Variants in CATSPERE observed in about 807,000 individuals in gnomAD.
CATSPERE encodes cation channel sperm-associated auxiliary subunit epsilon.
In CATSPERE, 93 loss-of-function variants were observed where a neutral mutation model predicts 114.1. That is an observed-to-expected ratio of 0.81 (90% CI 0.69 to 0.97). CATSPERE has a LOEUF of 0.97. Among genes scored for constraint, CATSPERE ranks in the 50% least tolerant of loss-of-function variants. The pLI is 0.00. For synonymous variants in CATSPERE, 341 were observed against 384.1 expected (o/e 0.89, Z 1.31); for missense variants, 1,058 against 1,131.6 (o/e 0.93, Z 0.93).
intron 8 of CATSPERE, among the ~76,000 whole-genome samples, chr1:244,539,008 C>G (rs1444805327): frequency 6.6e-6 from 1 of 152,172 alleles, no homozygotes; most frequent in Non-Finnish European, 1.5e-5. Context: ...CGTCGCTAGC[C>G]AGCTTCCCCA....
rs1356369673 is a variant in CATSPERE at position 244,607,287 on chromosome 1, A to C, written c.2403+1493A>C. Among the ~76,000 whole-genome samples, 1 of 152,220 alleles carries C rather than the reference A, an allele frequency of 6.6e-6. No homozygotes were observed. Among genetic ancestry groups the C allele is most frequent in the African/African-American group, 2.4e-5 (1 of 41,452 alleles). On this transcript the variant is annotated intron_variant, in intron 18 of 21. Coordinates refer to ENST00000366534, the MANE Select transcript of CATSPERE (RefSeq NM_001130957.2). The surrounding 1 kb of genome is among the most constrained non-coding windows in gnomAD (Gnocchi z 4.4). ...CTTAGCCAAAAGGCCACTAAGAGAT[A>C]CAGTATCATTTCCAGGTCATTCTCT...
At chr1:244,606,549 A>G (rs1670028271) in intron 18 of CATSPERE, among the ~76,000 whole-genome samples, 1 of 151,756 alleles carries the variant, frequency 6.6e-6, no homozygotes. Flanking sequence ...GATGGCAGCC[A>G]AGAGAACTGA....
intron 17 of CATSPERE, chr1:244,598,594 T>G (rs1668756728): frequency 2.8e-6 from 1 of 354,648 alleles, no homozygotes; most frequent in Admixed American, 2.7e-5. Flanking sequence ...CCATGGAGAT[T>G]GGGCCCAGTC....
intron 11 of CATSPERE, among the ~76,000 whole-genome samples, chr1:244,576,592 C>T (rs1665296776): frequency 6.6e-6 from 1 of 151,724 alleles, no homozygotes; most frequent in African/African-American, 2.4e-5. Flanking sequence ...TCTGAATAAA[C>T]ATTTTACTTA....
chr1:244,458,207 A>AG (rs554754517), upstream of CATSPERE, among the ~76,000 whole-genome samples: 11 of 152,298 alleles, frequency 7.2e-5, no homozygotes, highest in Admixed American at 1.3e-4. Context: ...CAAATAGAAG[A>AG]GGGAATGGCG....
intron 17 of CATSPERE, among the ~76,000 whole-genome samples, chr1:244,599,427 T>C (rs1668874631): frequency 6.6e-6 from 1 of 152,198 alleles, no homozygotes; most frequent in Non-Finnish European, 1.5e-5. Flanking sequence ...CCTCTCTCTC[T>C]CATACACCCT....
At position 244,591,721 on chromosome 1, in the gene CATSPERE, G is replaced by T; in HGVS notation, c.2179G>T (p.Val727Leu). The T allele has an allele frequency of 6.6e-7, 1 of 1,513,840 alleles. No individual in the cohort carries two copies. Among genetic ancestry groups the T allele is most frequent in the Non-Finnish European group, 9.1e-7 (1 of 1,096,554 alleles). 93.8% of individuals were successfully genotyped at this position (1,513,840 alleles called of 1,614,324 possible). A position where few individuals can be genotyped will look rare whatever the true frequency, so the allele number is the denominator to read the frequency against. ...KGCHHHDFSY[V>L]IEKSYLRHQP... Reference sequence around the variant, plus strand: ...ATGTCATCACCATGATTTTTCATACGTGATTGAAAAGTAAGAAATTTTTTA... The same window carrying T: ...ATGTCATCACCATGATTTTTCATACTTGATTGAAAAGTAAGAAATTTTTTA... Residue 727 changes from valine to leucine, a missense_variant, in exon 15 of 22, where the codon GTG (valine) becomes TTG (leucine). Val to Leu is a conservative substitution (Grantham distance 32). Around this residue, in one of 2 missense-constraint regions of CATSPERE, gnomAD observed 787 missense variants for 905.6 expected, o/e 0.87. Transcript: ENST00000366534.
intron 17 of CATSPERE, among the ~76,000 whole-genome samples, chr1:244,600,091 C>T (rs1018671836): frequency 5.3e-5 from 8 of 152,054 alleles, no homozygotes; most frequent in Non-Finnish European, 1.0e-4. Context: ...TAGGACGTGA[C>T]GGGACTCCCT....
intron 21 of CATSPERE, among the ~76,000 whole-genome samples, chr1:244,639,563 T>G (rs780489026): frequency 8.6e-5 from 13 of 151,978 alleles, no homozygotes; most frequent in Middle Eastern, 3.4e-3. Context: ...GGTGGTGCCC[T>G]CCTGTAATCC....
chr1:244,596,957 A>T (rs1026662877), intron 17 of CATSPERE, among the ~76,000 whole-genome samples: 3 of 151,528 alleles, frequency 2.0e-5, no homozygotes, highest in African/African-American at 7.3e-5. Context: ...TGTACCAGGA[A>T]CTCTGTCTGC....
At chr1:244,555,726 G>C (rs376155521) in intron 9 of CATSPERE, among the ~76,000 whole-genome samples, 4 of 152,276 alleles carry the variant, frequency 2.6e-5, no homozygotes, top group East Asian at 3.9e-4. Flanking sequence ...GATAAATTCA[G>C]TAAAGTTGAA....
chr1:244,621,098 A>ATT (rs1672126598), intron 20 of CATSPERE, among the ~76,000 whole-genome samples: 6 of 69,554 alleles, frequency 8.6e-5, no homozygotes, highest in African/African-American at 1.7e-4. Context: ...TATATAAAAT[A>ATT]TATATAAATA....
chr1:244,517,884 A>T (rs1477203279), intron 7 of CATSPERE, among the ~76,000 whole-genome samples: 2 of 150,646 alleles, frequency 1.3e-5, no homozygotes, highest in African/African-American at 5.0e-5. Flanking sequence ...AACCCCCCTA[A>T]TTACTCCTTA....
intron 8 of CATSPERE, among the ~76,000 whole-genome samples, chr1:244,523,959 A>G (rs1341450903): frequency 1.4e-5 from 2 of 146,886 alleles, no homozygotes; most frequent in African/African-American, 5.3e-5. Flanking sequence ...GCTACCAATG[A>G]CTTTCTTCAC....
intron 10 of CATSPERE, among the ~76,000 whole-genome samples, chr1:244,566,597 T>C (rs1663542166): frequency 6.6e-6 from 1 of 151,644 alleles, no homozygotes; most frequent in Non-Finnish European, 1.5e-5. Flanking sequence ...TTTGTCTTTT[T>C]TGATCTTTGC....
chr1:244,588,649 C>T (rs568547765), intron 14 of CATSPERE, 115 bp downstream of exon 14: 6 of 822,132 alleles, frequency 7.3e-6, no homozygotes, highest in African/African-American at 5.0e-5. Context: ...CAATGAAATC[C>T]AAAACTGAAT....
intron 8 of CATSPERE, among the ~76,000 whole-genome samples, chr1:244,550,746 C>T (rs1310823947): frequency 3.3e-5 from 5 of 152,242 alleles, no homozygotes; most frequent in South Asian, 2.1e-4. Context: ...ACTTGAGGTC[C>T]GCTTCACCTG....
In CATSPERE at chr1:244,530,968, G is replaced by A. The variant is rs939192014; in HGVS notation, c.536+12270G>A. ...ATATCAGCCAGGCACAGTGGCTCAC[G>A]CCTGTAATCCCAGCACTCTGGGAGG... is the stretch of plus-strand genomic sequence containing the variant. On this transcript the variant is annotated intron_variant, in intron 8 of 21. Coordinates refer to ENST00000366534, the MANE Select transcript of CATSPERE (RefSeq NM_001130957.2). 5.9e-5 allele frequency among the ~76,000 whole-genome samples: 9 copies of A among 152,042 alleles called. No homozygotes were observed. The East Asian group carries it at 9.7e-4, about 16-fold the overall frequency.
chr1:244,621,041 TATATATATA>T (rs1672052962), intron 20 of CATSPERE, among the ~76,000 whole-genome samples: 5 of 71,630 alleles, frequency 7.0e-5, no homozygotes, highest in Admixed American at 2.1e-4. Flanking sequence ...ATATATAAAA[TATATATATA>T]AATATATATA....
Sources: gnomAD v4.1 joint callset for allele counts (sites outside exome capture counted in the v4.1 genomes callset) on GRCh38, gnomAD v4.1.1 for gene constraint, gnomAD v4.1.1 regional missense constraint, Gnocchi (gnomAD v3.1) non-coding constraint, MANE v1.5 for transcripts, NCBI Gene and HGNC (gene_info 2026-07-23, HGNC 2026-07-21) for gene names.